HDX: variants seen among roughly 807,000 people sequenced by gnomAD.
HDX encodes chromosome X open reading frame 43.
In HDX, 19 loss-of-function variants were observed where a neutral mutation model predicts 45.2. The ratio of observed to expected loss-of-function variants is 0.42; its 90% CI spans 0.29 to 0.62. The LOEUF (loss-of-function observed/expected upper bound fraction) is 0.62, where lower values mean the gene tolerates loss of function less well. Among genes scored for constraint, HDX ranks in the 20% least tolerant of loss-of-function variants. The pLI is 0.20. For missense variants in HDX, 532 were observed against 493.9 expected (o/e 1.08, Z -0.73); for synonymous variants, 188 against 172.8 (o/e 1.09, Z -0.69).
chrX:84,494,135 A>G (rs1407153659), intron 1 of HDX, among the ~76,000 whole-genome samples: 5 of 112,381 alleles, frequency 4.4e-5, no homozygotes, highest in Non-Finnish European at 9.4e-5. Flanking sequence ...GTTTTTATGT[A>G]ATCCCACATG....
intron 5 of HDX, among the ~76,000 whole-genome samples, chrX:84,373,601 A>G (rs1384103732): frequency 9.0e-6 from 1 of 111,043 alleles, no homozygotes; most frequent in African/African-American, 3.3e-5. Flanking sequence ...AGGCTGGTTT[A>G]ATATACGCAA....
At chrX:84,408,499 G>GTTTTTTTTTTTT (rs1220751208) in intron 5 of HDX, among the ~76,000 whole-genome samples, 2 of 44,440 alleles carry the variant, frequency 4.5e-5, no homozygotes, top group Non-Finnish European at 7.9e-5. Context: ...CTCCAGCTTT[G>GTTTTTTTTTTTT]TTTTTTTTTT....
chrX:84,426,304 C>T (rs985570185), intron 5 of HDX, among the ~76,000 whole-genome samples: 2 of 110,283 alleles, frequency 1.8e-5, no homozygotes, highest in East Asian at 5.7e-4. Context: ...TTGATAATCC[C>T]ATTCCTAGTT....
chrX:84,500,145 C>G (rs142941252), intron 1 of HDX: 1 of 110,428 alleles, frequency 9.1e-6, no homozygotes, highest in African/African-American at 3.3e-5. Context: ...ATTTGAAGGC[C>G]ACCCAGTAAA....
intron 6 of HDX, among the ~76,000 whole-genome samples, chrX:84,354,237 T>G (rs948661350): frequency 8.9e-6 from 1 of 111,866 alleles, no homozygotes; most frequent in African/African-American, 3.2e-5. Context: ...AGAACACCTA[T>G]GTATTAACAC....
intron 5 of HDX, among the ~76,000 whole-genome samples, chrX:84,393,429 T>C (rs2038487835): frequency 8.9e-6 from 1 of 112,028 alleles, no homozygotes; most frequent in Non-Finnish European, 1.9e-5. Context: ...ACTTTGCTAG[T>C]ATTTTGTTGA....
At chrX:84,401,305 C>T (rs947386293) in intron 5 of HDX, among the ~76,000 whole-genome samples, 3 of 111,723 alleles carry the variant, frequency 2.7e-5, no homozygotes, top group African/African-American at 6.5e-5. Flanking sequence ...ATATATCCAT[C>T]GGACAAAGGT....
At chrX:84,417,558 T>G (rs1476835952) in intron 5 of HDX, among the ~76,000 whole-genome samples, 2 of 112,494 alleles carry the variant, frequency 1.8e-5, no homozygotes, top group African/African-American at 6.5e-5. Flanking sequence ...AAGGGATGGC[T>G]TCTGTCTGGT....
chrX:84,438,419 T>C (rs1419135833), intron 5 of HDX, among the ~76,000 whole-genome samples: 1 of 110,957 alleles, frequency 9.0e-6, no homozygotes, highest in Non-Finnish European at 1.9e-5. Context: ...CAACTCTTAT[T>C]ATAAATTAAA....
intron 5 of HDX, among the ~76,000 whole-genome samples, chrX:84,416,447 T>C (rs1477067900): frequency 2.7e-5 from 3 of 111,985 alleles, no homozygotes; most frequent in East Asian, 5.6e-4. Context: ...AATGTGCTTC[T>C]AGAAGAACCT....
In HDX at chrX:84,384,683, C is replaced by G. The variant is rs2038267568; in HGVS notation, c.1306-23071G>C. ...CAGTCTTATATTTAAATCTTTAATACATCTTGAGTTAATTTTTATATATGG... is the reference window on the plus strand; with the variant it reads ...CAGTCTTATATTTAAATCTTTAATAGATCTTGAGTTAATTTTTATATATGG... On this transcript the variant is annotated intron_variant, in intron 5 of 10. Transcript: ENST00000373177. Among the ~76,000 whole-genome samples the G allele has an allele frequency of 2.7e-5, 3 of 110,205 alleles. No homozygotes were observed. The Admixed American group carries it at 2.9e-4, about 11-fold the overall frequency.
intron 2 of HDX, among the ~76,000 whole-genome samples, chrX:84,482,067 G>A (rs972232636): frequency 5.4e-5 from 6 of 111,918 alleles, no homozygotes; most frequent in African/African-American, 2.0e-4. Flanking sequence ...TTATGGCTAT[G>A]GAGTATTTCA....
chrX:84,493,715 C>A (rs1222236408), intron 1 of HDX, among the ~76,000 whole-genome samples: 1 of 111,728 alleles, frequency 9.0e-6, no homozygotes, highest in Admixed American at 9.5e-5. Flanking sequence ...GTAATGTGTT[C>A]AAATAATATA....
At chrX:84,374,116 T>G (rs749090612) in intron 5 of HDX, among the ~76,000 whole-genome samples, 21 of 110,483 alleles carry the variant, frequency 1.9e-4, no homozygotes, top group African/African-American at 5.3e-4. Context: ...ACACCAATAA[T>G]AGACAAACAG....
Position 84,469,033 on chromosome X carries a change from T to G in HDX, c.690A>C (p.Ser230=), listed in dbSNP as rs1438343407. 8.3e-7 allele frequency: 1 copy of G among 1,211,798 alleles called. No individual in the cohort carries two copies. Among genetic ancestry groups the G allele is most frequent in the South Asian group, 1.8e-5 (1 of 57,002 alleles). Residue 230 remains serine (S), a synonymous_variant, in exon 4 of 11, where the codon TCA becomes TCC. Transcript: ENST00000373177. ...CTGGGCCTGTGTGTTCAGGCTTATA[T>G]GACCTTTGAATCCCAACTGGTTCAA... is the stretch of plus-strand genomic sequence containing the variant. The part of the protein sequence containing the change: ...CKIEPVGIQR[S]YKPEHTGPAL...
chrX:84,366,372 T>A lies in HDX; in HGVS notation c.1306-4760A>T, dbSNP rs745847056. Among the ~76,000 whole-genome samples, 55 of 111,947 alleles carry A rather than the reference T, an allele frequency of 4.9e-4. 1 individual carries two copies. The highest frequency in any genetic ancestry group is 1.8e-3 in the African/African-American group (55 of 30,828). ...TGAAAAACGTTCCATGCTCATGGGT[T>A]GGAAGAATCAATATCGTGAAAATGG... On this transcript the variant is annotated intron_variant, in intron 5 of 10. Coordinates refer to ENST00000373177, the MANE Select transcript of HDX (RefSeq NM_001177479.2).
intron 5 of HDX, among the ~76,000 whole-genome samples, chrX:84,432,213 T>C (rs1229160478): frequency 3.6e-5 from 4 of 112,000 alleles, no homozygotes; most frequent in Middle Eastern, 4.6e-3. Flanking sequence ...TTTGTACCAA[T>C]ACCATGACAG....
intron 9 of HDX, among the ~76,000 whole-genome samples, chrX:84,327,702 A>G (rs2036744245): frequency 8.9e-6 from 1 of 112,163 alleles, no homozygotes; most frequent in Non-Finnish European, 1.9e-5. Context: ...AGAGGAAAAC[A>G]GAGGAGAAAA....
intron 5 of HDX, among the ~76,000 whole-genome samples, chrX:84,436,244 C>G (rs1467080989): frequency 1.3e-5 from 1 of 74,958 alleles, no homozygotes; most frequent in Non-Finnish European, 2.4e-5. Flanking sequence ...CACATGGACA[C>G]AGGAAGGGGA....
Sources: gnomAD v4.1 joint callset for allele counts (sites outside exome capture counted in the v4.1 genomes callset) on GRCh38, gnomAD v4.1.1 for gene constraint, MANE v1.5 for transcripts, NCBI Gene and HGNC (gene_info 2026-07-23, HGNC 2026-07-21) for gene names.